The following LIMCH1 variants were observed in gnomAD, a reference collection of about 807,000 sequenced individuals.
The protein encoded by LIMCH1 is LIM and calponin homology domains-containing protein 1.
A neutral mutation model predicts 176.5 loss-of-function variants in LIMCH1; 113 were observed. That is an observed-to-expected ratio of 0.64 (90% CI 0.55 to 0.75). The LOEUF is 0.75. Ranked by LOEUF, LIMCH1 falls within the 30% of genes least tolerant of loss-of-function variation. The pLI, the probability that LIMCH1 is intolerant of heterozygous loss-of-function variation, is 0.00. For missense variants in LIMCH1, 1,674 were observed against 1,814.9 expected (o/e 0.92, Z 1.41); for synonymous variants, 619 against 645.9 (o/e 0.96, Z 0.63).
chr4:41,408,683 A>G (rs572887248), intron 1 of LIMCH1, among the ~76,000 whole-genome samples: 1 of 152,352 alleles, frequency 6.6e-6, no homozygotes, highest in Non-Finnish European at 1.5e-5. Context: ...GTGTGATTTT[A>G]TGGAATCAAA....
upstream of LIMCH1, among the ~76,000 whole-genome samples, chr4:41,537,897 A>G (rs1481469358): frequency 6.6e-6 from 1 of 152,190 alleles, no homozygotes; most frequent in Non-Finnish European, 1.5e-5. Context: ...TCAGGCAGCA[A>G]CTTTGTTCCA....
chr4:41,511,498 G>C (rs1021020533), intron 2 of LIMCH1, among the ~76,000 whole-genome samples: 6 of 152,196 alleles, frequency 3.9e-5, no homozygotes, highest in African/African-American at 1.4e-4. Context: ...AATTTTGGCT[G>C]TGCCTAGAGC....
At chr4:41,420,694 C>G (rs1260003694) in intron 1 of LIMCH1, among the ~76,000 whole-genome samples, 1 of 152,168 alleles carries the variant, frequency 6.6e-6, no homozygotes, top group African/African-American at 2.4e-5. Flanking sequence ...TCCGGAGGCC[C>G]TTGAGATATG....
At position 41,650,585 on chromosome 4, in the gene LIMCH1, A is replaced by G. The variant is rs139124468; in HGVS notation, c.3013A>G (p.Asn1005Asp). The change falls in exon 18 of 32, where the codon AAC (asparagine) becomes GAC (aspartate). Residue 1005 changes from asparagine to aspartate, a missense_variant. Physicochemically the swap from Asn to Asp is conservative, Grantham distance 23. This residue lies in a region of LIMCH1 where 1,015 missense variants were observed against 1,102.5 expected (regional missense o/e 0.92). Transcript: ENST00000503057. ...GSIEINIKKP[N>D]SVPQELAATT... ...CATCGAGATCAACATAAAGAAGCCA[A>G]ACTCTGTTCCCCAAGAGCTCGCAGT... The G allele has an allele frequency of 1.5e-5, 24 of 1,613,714 alleles. No homozygotes were observed. The African/African-American group carries it at 2.5e-4, about 17-fold the overall frequency.
intron 3 of LIMCH1, among the ~76,000 whole-genome samples, chr4:41,524,642 A>G (rs2076447108): frequency 6.6e-6 from 1 of 152,258 alleles, no homozygotes; most frequent in Non-Finnish European, 1.5e-5. Context: ...GAAAGATTGC[A>G]GTCATGCCTA....
chr4:41,588,776 A>C (rs1230271584), intron 1 of LIMCH1, among the ~76,000 whole-genome samples: 2 of 152,130 alleles, frequency 1.3e-5, no homozygotes, highest in African/African-American at 4.8e-5. Flanking sequence ...GCCCCTTACC[A>C]CATGGCAGAG....
At chr4:41,515,233 G>A (rs146690425) in intron 2 of LIMCH1, among the ~76,000 whole-genome samples, 17 of 152,340 alleles carry the variant, frequency 1.1e-4, no homozygotes, top group Admixed American at 2.6e-4. Flanking sequence ...TCACGCAGCC[G>A]GGTCTGTCTT....
chr4:41,433,689 T>TA, intron 1 of LIMCH1, among the ~76,000 whole-genome samples: 1 of 140,230 alleles, frequency 7.1e-6, no homozygotes, highest in Non-Finnish European at 1.5e-5. Flanking sequence ...TTTTTTTTTT[T>TA]TTTAAACTTT....
chr4:41,474,380 A>G (rs1206624122), intron 1 of LIMCH1, among the ~76,000 whole-genome samples: 2 of 151,532 alleles, frequency 1.3e-5, no homozygotes, highest in Admixed American at 1.3e-4. Context: ...CCAGCTACTC[A>G]GTAGGCTGAG....
rs1415422970 is a variant in LIMCH1 at position 41,626,772 on chromosome 4, T to C, written c.790T>C (p.Phe264Leu). 14 of 1,536,280 alleles carry C rather than the reference T, an allele frequency of 9.1e-6. No homozygotes were observed. In the Admixed American group the frequency reaches 1.8e-4, roughly 19 times the overall value. ...TATTGTCCTTCGCAAAGAAAACTCT[T>C]TCCTGACCCACCAACATGGCAACGA... Reference protein sequence around the residue: ...RDIVLRKENSFLTHQHGNDSE... With the variant: ...RDIVLRKENSLLTHQHGNDSE... The change falls in exon 8 of 32, where the codon TTC becomes CTC. Residue 264 changes from phenylalanine (F) to leucine (L), a missense_variant. By Grantham distance (22) the Phe-to-Leu change is conservative. Coordinates refer to ENST00000503057, the MANE Select transcript of LIMCH1 (RefSeq NM_001330672.2).
At chr4:41,640,273 A>G (rs912600529) in intron 14 of LIMCH1, among the ~76,000 whole-genome samples, 5 of 152,270 alleles carry the variant, frequency 3.3e-5, no homozygotes, top group Admixed American at 1.3e-4. Flanking sequence ...TAAGATTGAC[A>G]GGCAAAACAC....
intron 10 of LIMCH1, among the ~76,000 whole-genome samples, chr4:41,632,491 A>C (rs79339143): frequency 0.013 from 1,915 of 152,262 alleles, 29 homozygotes; most frequent in East Asian, 0.079. Context: ...TACGTCCTCG[A>C]GGCCTTGAAT....
At chr4:41,449,281 G>A (rs560722787) in intron 1 of LIMCH1, among the ~76,000 whole-genome samples, 75 of 152,130 alleles carry the variant, frequency 4.9e-4, no homozygotes, top group African/African-American at 1.6e-3. Context: ...TTCCCTCCAC[G>A]TGGAATGTTC....
chr4:41,439,348 G>A (rs1045672509), intron 1 of LIMCH1, among the ~76,000 whole-genome samples: 4 of 152,216 alleles, frequency 2.6e-5, no homozygotes, highest in Non-Finnish European at 5.9e-5. Context: ...CACTTTGGAA[G>A]GCCAAGGTGC....
chr4:41,533,109 G>T lies in LIMCH1; in HGVS notation c.237+8631G>T, dbSNP rs572882572. ...TACTTGCCATGTGGGTCTTTCTATA[G>T]AACAGCTTACAGGGTTGCAGCTTGC... On this transcript the variant is annotated intron_variant, in intron 3 of 26. Coordinates refer to the LIMCH1 transcript ENST00000313860. Among the ~76,000 whole-genome samples the T allele has an allele frequency of 5.9e-5, 9 of 152,244 alleles. No individual in the cohort carries two copies. The South Asian group carries it at 1.2e-3, about 21-fold the overall frequency.
Position 41,458,936 on chromosome 4 carries a change from C to T in LIMCH1, c.97-35600C>T, listed in dbSNP as rs1214715062. Among the ~76,000 whole-genome samples, 3 of 152,042 alleles carry T rather than the reference C, an allele frequency of 2.0e-5. No individual in the cohort carries two copies. The East Asian group carries it at 5.8e-4, about 29-fold the overall frequency. ...AACTTATATGAACTTTTGAGGCATC[C>T]TGAGTCATTTAGTTGCTGTTCAACC... On this transcript the variant is annotated intron_variant, in intron 1 of 26. Coordinates refer to the LIMCH1 transcript ENST00000313860.
intron 1 of LIMCH1, among the ~76,000 whole-genome samples, chr4:41,368,184 T>C (rs1169069750): frequency 6.6e-6 from 1 of 152,166 alleles, no homozygotes; most frequent in Non-Finnish European, 1.5e-5. Flanking sequence ...ATGAAAATAA[T>C]TATTTGGGAG....
At chr4:41,400,420 A>G (rs1053805982) in intron 1 of LIMCH1, among the ~76,000 whole-genome samples, 1 of 152,152 alleles carries the variant, frequency 6.6e-6, no homozygotes, top group Non-Finnish European at 1.5e-5. Flanking sequence ...CGGGGAAGGT[A>G]TCTATTTTAA....
intron 1 of LIMCH1, among the ~76,000 whole-genome samples, chr4:41,364,125 CA>C (rs926948566): frequency 2.6e-5 from 4 of 152,058 alleles, no homozygotes; most frequent in Admixed American, 2.6e-4. Flanking sequence ...TTAGCAACAA[CA>C]AAAATGACTA....
Sources: gnomAD v4.1 joint callset for allele counts (sites outside exome capture counted in the v4.1 genomes callset) on GRCh38, gnomAD v4.1.1 for gene constraint, gnomAD v4.1.1 regional missense constraint, MANE v1.5 for transcripts, NCBI Gene and HGNC (gene_info 2026-07-23, HGNC 2026-07-21) for gene names.